The following CCDC178 variants were observed in gnomAD, a reference collection of about 807,000 sequenced individuals.
The protein encoded by CCDC178 is coiled-coil domain-containing protein 178.
A neutral mutation model predicts 117.4 loss-of-function variants in CCDC178; 126 were observed. That is an observed-to-expected ratio of 1.07 (90% confidence interval 0.93 to 1.24). CCDC178 has a LOEUF of 1.24. CCDC178 is among the 50% of genes most tolerant of loss of function. The pLI is 0.00. For synonymous variants in CCDC178, 283 were observed against 313.4 expected, an observed-to-expected ratio of 0.90 and a Z score of 1.02; for missense variants, 1,030 against 986.9, an observed-to-expected ratio of 1.04 and a Z score of -0.59.
intron 20 of CCDC178, among the ~76,000 whole-genome samples, chr18:33,151,739 A>G (rs904856658): frequency 6.6e-6 from 1 of 152,198 alleles, no homozygotes; most frequent in African/African-American, 2.4e-5. Flanking sequence ...AACGACAATA[A>G]TGTCCTATTA....
intron 14 of CCDC178, among the ~76,000 whole-genome samples, chr18:33,256,914 G>A (rs1212039706): frequency 6.6e-6 from 1 of 151,892 alleles, no homozygotes; most frequent in African/African-American, 2.4e-5. Context: ...AGTTTGTTTT[G>A]TTCCCATTAA....
chr18:33,237,935 C>T (rs1354736501), intron 15 of CCDC178, among the ~76,000 whole-genome samples: 5 of 152,212 alleles, frequency 3.3e-5, no homozygotes, highest in African/African-American at 4.8e-5. Flanking sequence ...CATGTGTACA[C>T]ATGTGTCCCT....
chr18:33,177,957 T>C (rs1215758742), intron 20 of CCDC178, among the ~76,000 whole-genome samples: 3 of 152,158 alleles, frequency 2.0e-5, no homozygotes, highest in Admixed American at 6.6e-5. Context: ...TCATGAAATA[T>C]GAGTGCTCCG....
chr18:33,278,886 C>A lies in CCDC178; in HGVS notation c.1177-11589G>T, dbSNP rs377094597. On this transcript the variant is annotated intron_variant, in intron 12 of 22. Coordinates refer to ENST00000383096, the MANE Select transcript of CCDC178 (RefSeq NM_001105528.4). ...ATTATCTCAATAGATGCAGAAAAGGCCTTTGACAAAATTCAACAACGTTCA... is the reference window on the plus strand; with the variant it reads ...ATTATCTCAATAGATGCAGAAAAGGACTTTGACAAAATTCAACAACGTTCA... 5.8e-4 allele frequency among the ~76,000 whole-genome samples: 88 copies of A among 152,182 alleles called. 2 individuals carry two copies. In the East Asian group the frequency reaches 0.01, roughly 18 times the overall value.
intron 11 of CCDC178, among the ~76,000 whole-genome samples, chr18:33,310,874 C>T (rs900759200): frequency 2.2e-4 from 33 of 152,132 alleles, no homozygotes; most frequent in African/African-American, 6.8e-4. Flanking sequence ...GCCTACCAAT[C>T]GCCCTTGGAC....
intron 20 of CCDC178, among the ~76,000 whole-genome samples, chr18:33,183,212 T>C (rs2058751195): frequency 6.6e-6 from 1 of 152,076 alleles, no homozygotes; most frequent in Non-Finnish European, 1.5e-5. Flanking sequence ...TTTAGGCTTT[T>C]GACAGGAGTC....
chr18:33,414,198 C>T (rs1172512419), intron 2 of CCDC178, among the ~76,000 whole-genome samples: 3 of 152,122 alleles, frequency 2.0e-5, no homozygotes, highest in East Asian at 1.9e-4. Context: ...TTAATATTGT[C>T]GATTTGAAAA....
At chr18:33,350,776 G>C (rs1215435219) in intron 7 of CCDC178, among the ~76,000 whole-genome samples, 5 of 151,792 alleles carry the variant, frequency 3.3e-5, no homozygotes, top group Non-Finnish European at 7.4e-5. Context: ...GAATCCTTTT[G>C]GGTATATATC....
At chr18:33,295,120 T>C (rs575821929) in intron 11 of CCDC178, among the ~76,000 whole-genome samples, 2 of 152,218 alleles carry the variant, frequency 1.3e-5, no homozygotes, top group East Asian at 1.9e-4. Context: ...GATAGCCAAA[T>C]AGATAAATAG....
intron 21 of CCDC178, among the ~76,000 whole-genome samples, chr18:32,996,231 A>G (rs1175826574): frequency 3.3e-5 from 5 of 151,954 alleles, no homozygotes; most frequent in African/African-American, 1.2e-4. Context: ...CCACTATAAA[A>G]TCTGTAGTAA....
rs146936141 is a variant in CCDC178, at chr18:33,396,934, C to T, written c.118+215G>A. Among the ~76,000 whole-genome samples, 58 of 151,708 alleles carry T rather than the reference C, an allele frequency of 3.8e-4. No individual in the cohort carries two copies. The East Asian group carries it at 6.0e-3, about 16-fold the overall frequency. On this transcript the variant is annotated intron_variant, in intron 4 of 22. Coordinates refer to ENST00000383096, the MANE Select transcript of CCDC178 (RefSeq NM_001105528.4). Reference sequence around the variant, plus strand: ...CTTCTTAAGTATGCATTATTCAAAACGAAAAAGGAAACACAGGAAATGGAG... The same window carrying T: ...CTTCTTAAGTATGCATTATTCAAAATGAAAAAGGAAACACAGGAAATGGAG...
chr18:33,332,065 G>C (rs1363637714), intron 10 of CCDC178, among the ~76,000 whole-genome samples: 2 of 152,136 alleles, frequency 1.3e-5, no homozygotes, highest in Non-Finnish European at 2.9e-5. Flanking sequence ...GAATGAACTA[G>C]AGCTATACAT....
chr18:33,311,462 G>T (rs1440934531), intron 11 of CCDC178, among the ~76,000 whole-genome samples: 1 of 152,202 alleles, frequency 6.6e-6, no homozygotes. Context: ...GTGCCAGCTG[G>T]ATAACTCACA....
chr18:33,286,746 T>A (rs2060103031), intron 12 of CCDC178, among the ~76,000 whole-genome samples: 1 of 152,160 alleles, frequency 6.6e-6, no homozygotes, highest in Non-Finnish European at 1.5e-5. Context: ...AATAATTTTG[T>A]GTGTCTATGT....
At chr18:33,343,628 A>G (rs2062846100) in intron 9 of CCDC178, among the ~76,000 whole-genome samples, 1 of 152,198 alleles carries the variant, frequency 6.6e-6, no homozygotes, top group East Asian at 1.9e-4. Flanking sequence ...TCTTTGATGC[A>G]GTCCACTATG....
chr18:33,027,017 C>G (rs1457093166), intron 21 of CCDC178, among the ~76,000 whole-genome samples: 1 of 151,734 alleles, frequency 6.6e-6, no homozygotes, highest in Non-Finnish European at 1.5e-5. Context: ...ACTAACTATA[C>G]AAAAGGATAA....
At chr18:33,098,899 A>C (rs1032868380) in intron 20 of CCDC178, among the ~76,000 whole-genome samples, 4 of 152,044 alleles carry the variant, frequency 2.6e-5, no homozygotes, top group African/African-American at 9.7e-5. Context: ...AAGTGTGAAG[A>C]ATTCTATTCC....
chr18:33,237,836 T>C (rs912530850), intron 15 of CCDC178, among the ~76,000 whole-genome samples: 3 of 151,874 alleles, frequency 2.0e-5, no homozygotes, highest in Admixed American at 6.6e-5. Flanking sequence ...CTGAAGGCAG[T>C]TGAGCAACTG....
At chr18:33,086,801 G>A (rs1355076600) in intron 21 of CCDC178, among the ~76,000 whole-genome samples, 3 of 152,052 alleles carry the variant, frequency 2.0e-5, no homozygotes, top group Non-Finnish European at 4.4e-5. Flanking sequence ...TTGGGCTGGA[G>A]AATTTTGGTG....
Sources: allele counts gnomAD v4.1 joint callset (sites outside exome capture counted in the v4.1 genomes callset), GRCh38; gene constraint gnomAD v4.1.1; transcripts MANE v1.5; gene names NCBI Gene and HGNC (gene_info 2026-07-23, HGNC 2026-07-21).